The following RGPD2 variants were observed in gnomAD, a reference collection of about 807,000 sequenced individuals.
RGPD2 encodes RANBP2 like and GRIP domain containing 2, also known as RANBP2-like and GRIP domain-containing protein 2.
RGPD2 carries 2 observed loss-of-function variants against 36.0 expected under a neutral mutation model. That is an observed-to-expected ratio of 0.06 (90% confidence interval 0.02 to 0.17). The LOEUF is 0.17. Among genes scored for constraint, RGPD2 ranks in the 10% least tolerant of loss-of-function variants. The probability of loss-of-function intolerance (pLI) is 1.00; values close to 1 mark genes in which losing one functional copy is unlikely to be tolerated. For synonymous variants in RGPD2, 19 were observed against 163.8 expected, an observed-to-expected ratio of 0.12 and a Z score of 6.75; for missense variants, 40 against 464.3, an observed-to-expected ratio of 0.09 and a Z score of 8.40.
the RGPD2 span, among the ~76,000 whole-genome samples, chr2:87,844,654 G>A: frequency 2.6e-5 from 4 of 151,794 alleles, no homozygotes; most frequent in Non-Finnish European, 5.9e-5. Context: ...AAGTGAATTC[G>A]TCCAGAAAGA....
the RGPD2 span, among the ~76,000 whole-genome samples, chr2:87,978,788 G>A: frequency 3.8e-5 from 5 of 131,824 alleles, no homozygotes; most frequent in African/African-American, 5.6e-5. Context: ...GCATGATGAA[G>A]CATACCAGTA....
chr2:87,986,913 T>C, the RGPD2 span, among the ~76,000 whole-genome samples: 9,012 of 149,636 alleles, frequency 0.06, 306 homozygotes, highest in Middle Eastern at 0.11. Flanking sequence ...AACATACAAC[T>C]TCTATGTTTA....
chr2:87,872,838 C>T, the RGPD2 span, among the ~76,000 whole-genome samples: 4 of 151,786 alleles, frequency 2.6e-5, no homozygotes, highest in Non-Finnish European at 5.9e-5. Context: ...CAGCTCACTG[C>T]AACCTCTGCT....
chr2:87,882,436 C>A, the RGPD2 span, among the ~76,000 whole-genome samples: 2 of 152,350 alleles, frequency 1.3e-5, no homozygotes, highest in Non-Finnish European at 2.9e-5. Flanking sequence ...TTTGGACTCT[C>A]TTCTACTACA....
chr2:87,940,448 A>G, the RGPD2 span, among the ~76,000 whole-genome samples: 1 of 150,042 alleles, frequency 6.7e-6, no homozygotes, highest in East Asian at 2.0e-4. Flanking sequence ...GAAATTGAAA[A>G]TATAAAGATA....
chr2:87,813,145 C>T (rs1686168244), intron 4 of RGPD2, among the ~76,000 whole-genome samples: 1 of 152,248 alleles, frequency 6.6e-6, no homozygotes, highest in South Asian at 2.1e-4. Context: ...CATATAAATA[C>T]ACACACTTTC....
chr2:87,885,418 G>C, the RGPD2 span, among the ~76,000 whole-genome samples: 1 of 151,932 alleles, frequency 6.6e-6, no homozygotes, highest in Non-Finnish European at 1.5e-5. Flanking sequence ...TAAAATTGAA[G>C]GCTTTTCCTT....
chr2:87,877,422 G>C, the RGPD2 span, among the ~76,000 whole-genome samples: 2 of 152,272 alleles, frequency 1.3e-5, no homozygotes, highest in African/African-American at 4.8e-5. Context: ...CACAGCATTT[G>C]CTTGTCTGAA....
At chr2:87,882,365 C>T in the RGPD2 span, among the ~76,000 whole-genome samples, 1 of 152,222 alleles carries the variant, frequency 6.6e-6, no homozygotes, top group Non-Finnish European at 1.5e-5. Flanking sequence ...TATCCTTTCT[C>T]CAATGTGGAT....
chr2:87,857,577 T>C, the RGPD2 span, among the ~76,000 whole-genome samples: 526 of 151,222 alleles, frequency 3.5e-3, no homozygotes, highest in Non-Finnish European at 5.4e-3. Flanking sequence ...CTCCTGACCT[T>C]GTGATCCGCC....
chr2:87,976,300 G>C, the RGPD2 span, among the ~76,000 whole-genome samples: 1 of 152,134 alleles, frequency 6.6e-6, no homozygotes, highest in Non-Finnish European at 1.5e-5. Context: ...ATTGATTTAA[G>C]TGGGAAGGAA....
intron 18 of RGPD2, among the ~76,000 whole-genome samples, chr2:87,785,732 ACTGT>A (rs1423699535): frequency 9.2e-6 from 1 of 108,964 alleles, no homozygotes; most frequent in East Asian, 3.2e-4. Context: ...AGATGTACAA[ACTGT>A]CTGCTCCCTC....
chr2:87,948,338 C>A, the RGPD2 span, among the ~76,000 whole-genome samples: 53 of 151,144 alleles, frequency 3.5e-4, no homozygotes, highest in African/African-American at 1.1e-3. Flanking sequence ...TGGCCATCAT[C>A]ATCGTTATTG....
the RGPD2 span, among the ~76,000 whole-genome samples, chr2:87,855,113 A>G: frequency 1.3e-5 from 2 of 151,884 alleles, no homozygotes; most frequent in Non-Finnish European, 1.5e-5. Flanking sequence ...TCACCATGCT[A>G]TAAATTACAT....
chr2:87,878,710 G>A, the RGPD2 span, among the ~76,000 whole-genome samples: 10 of 152,032 alleles, frequency 6.6e-5, no homozygotes, highest in African/African-American at 2.2e-4. Flanking sequence ...TATACCCATC[G>A]ACCAGCATCT....
chr2:87,825,279 C>A, intron 1 of RGPD2: 1 of 394,152 alleles, frequency 2.5e-6, no homozygotes, highest in South Asian at 1.3e-4. Context: ...AAATGATAGC[C>A]ATACACAACA....
chr2:87,919,357 C>T, the RGPD2 span, among the ~76,000 whole-genome samples: 2 of 150,926 alleles, frequency 1.3e-5, no homozygotes, highest in African/African-American at 4.9e-5. Flanking sequence ...ATGCATGTGT[C>T]TTCTATTCAA....
rs754992927 is a variant in RGPD2 at position 87,825,770 on chromosome 2, C to G, written c.-41G>C. On this transcript the variant is annotated 5_prime_UTR_variant, in exon 1 of 23. Coordinates refer to ENST00000398146, the MANE Select transcript of RGPD2 (RefSeq NM_001078170.3). ...GCTCCCGAGACGCGTGAAACCAGCG[C>G]TCAGCCCCGCAGCAGTCGCCAATTC... is the stretch of plus-strand genomic sequence containing the variant. The G allele has an allele frequency of 4.5e-6, 7 of 1,553,558 alleles. No individual in the cohort carries two copies. Among genetic ancestry groups the G allele is most frequent in the Non-Finnish European group, 6.1e-6 (7 of 1,148,308 alleles).
intron 20 of RGPD2, among the ~76,000 whole-genome samples, chr2:87,781,456 GTTTTTTTGTTTTTTTTTT>G (rs1041867976): frequency 1.1e-4 from 12 of 111,006 alleles, no homozygotes; most frequent in African/African-American, 1.7e-4. Flanking sequence ...GGTTTTTTTT[GTTTTTTTGTTTTTTTTTT>G]TTTTTTTGGA....
Sources: allele counts gnomAD v4.1 joint callset (sites outside exome capture counted in the v4.1 genomes callset), GRCh38; gene constraint gnomAD v4.1.1; transcripts MANE v1.5; gene names NCBI Gene and HGNC (gene_info 2026-07-23, HGNC 2026-07-21).